Variants in CDH13 observed in about 807,000 individuals in gnomAD.
The protein encoded by CDH13 is cadherin 13, also known as cadherin-13.
Under a neutral mutation model 63.8 loss-of-function variants are expected in CDH13, and 24 were observed. That is an observed-to-expected ratio of 0.38 (90% CI 0.27 to 0.53). The LOEUF (loss-of-function observed/expected upper bound fraction) is 0.53. Among genes scored for constraint, CDH13 ranks in the 20% least tolerant of loss-of-function variants. The pLI, the probability that CDH13 is intolerant of heterozygous loss-of-function variation, is 0.85. For missense variants in CDH13, 1,049 were observed against 903.1 expected (o/e 1.16, Z -2.07); for synonymous variants, 503 against 355.3 (o/e 1.42, Z -4.67).
intron 8 of CDH13, chr16:83,655,271 G>A (rs1482830010): frequency 1.3e-5 from 2 of 152,258 alleles, no homozygotes; most frequent in African/African-American, 4.8e-5. Context: ...ACCACGGTAA[G>A]AGTTTGATCT....
chr16:82,826,418 C>G (rs1042949239), intron 1 of CDH13: 3 of 152,010 alleles, frequency 2.0e-5, no homozygotes, highest in Admixed American at 1.3e-4. Flanking sequence ...CATACAATAT[C>G]GAATTCAATC....
At chr16:83,369,764 C>G (rs2091328951) in intron 6 of CDH13, among the ~76,000 whole-genome samples, 1 of 152,084 alleles carries the variant, frequency 6.6e-6, no homozygotes, top group African/African-American at 2.4e-5. Flanking sequence ...TCTGTAGACC[C>G]CACTCCTCCT....
intron 5 of CDH13, among the ~76,000 whole-genome samples, chr16:83,279,589 G>A (rs918017301): frequency 3.3e-5 from 5 of 152,210 alleles, no homozygotes; most frequent in East Asian, 1.9e-4. Context: ...TTAATGAGTC[G>A]AAATTATCCT....
intron 4 of CDH13, among the ~76,000 whole-genome samples, chr16:83,186,636 T>C: frequency 6.6e-6 from 1 of 152,212 alleles, no homozygotes; most frequent in East Asian, 1.9e-4. Context: ...AAGACTGTAG[T>C]ATGTCGTCAG....
intron 5 of CDH13, among the ~76,000 whole-genome samples, chr16:83,301,024 GGTTT>G (rs1417451896): frequency 1.9e-5 from 1 of 53,946 alleles, no homozygotes. Flanking sequence ...AACTTTCTGG[GGTTT>G]TTTTTTTTTT....
chr16:82,903,752 A>G (rs1015024637), intron 2 of CDH13, among the ~76,000 whole-genome samples: 2 of 152,172 alleles, frequency 1.3e-5, no homozygotes, highest in African/African-American at 4.8e-5. Flanking sequence ...TAGGGGCTGT[A>G]TAGTAACAAG....
intron 6 of CDH13, among the ~76,000 whole-genome samples, chr16:83,355,188 C>T (rs2091029030): frequency 6.6e-6 from 1 of 152,152 alleles, no homozygotes; most frequent in Non-Finnish European, 1.5e-5. Context: ...CATGAGAAAA[C>T]CATGGCAGCT....
intron 1 of CDH13, among the ~76,000 whole-genome samples, chr16:82,757,302 C>T (rs2034648034): frequency 6.6e-6 from 1 of 152,170 alleles, no homozygotes; most frequent in Non-Finnish European, 1.5e-5. Context: ...CAAATATCTT[C>T]ATTTGCATCT....
intron 7 of CDH13, among the ~76,000 whole-genome samples, chr16:83,565,383 C>CTTTTTTTTTTTTT (rs369127310): frequency 2.3e-5 from 3 of 130,608 alleles, no homozygotes; most frequent in Admixed American, 8.0e-5. Flanking sequence ...TTCCACTGTT[C>CTTTTTTTTTTTTT]TTTTTTTTTT....
chr16:82,795,909 G>A (rs900882477), intron 1 of CDH13, among the ~76,000 whole-genome samples: 14 of 149,618 alleles, frequency 9.4e-5, no homozygotes, highest in South Asian at 4.3e-4. Flanking sequence ...GTCTCTATTC[G>A]CTTAACACAG....
intron 2 of CDH13, among the ~76,000 whole-genome samples, chr16:82,949,139 A>G (rs1185936056): frequency 6.6e-6 from 1 of 152,190 alleles, no homozygotes; most frequent in African/African-American, 2.4e-5. Context: ...TTAAAACAGA[A>G]ACTACTTGTC....
intron 6 of CDH13, among the ~76,000 whole-genome samples, chr16:83,370,224 A>G (rs181727685): frequency 1.2e-4 from 18 of 152,060 alleles, no homozygotes; most frequent in African/African-American, 3.9e-4. Flanking sequence ...CATCTCTACT[A>G]AAAAATAGAA....
At chr16:83,382,129 C>G (rs2091579472) in intron 6 of CDH13, among the ~76,000 whole-genome samples, 1 of 152,192 alleles carries the variant, frequency 6.6e-6, no homozygotes, top group Non-Finnish European at 1.5e-5. Flanking sequence ...CTCAGAACTT[C>G]TGTTTCTTCA....
rs566404523 is a variant in CDH13, at chr16:83,042,478, C to A, written c.366+10260C>A. 2.0e-5 allele frequency among the ~76,000 whole-genome samples: 3 copies of A among 152,216 alleles called. No individual in the cohort carries two copies. The East Asian group carries it at 5.8e-4, about 29-fold the overall frequency. On this transcript the variant is annotated intron_variant, in intron 3 of 13. Transcript: ENST00000567109. ...GACCATGTAGTCGCAGGAAAACAAG[C>A]TGAGGGCTCCCATGGATTCTACATT...
In CDH13 at chr16:82,629,347, G is replaced by A. The variant is rs150412601; in HGVS notation, c.45+2210G>A. Among the ~76,000 whole-genome samples, 403 of 152,316 alleles carry A rather than the reference G, an allele frequency of 2.6e-3. 2 individuals are homozygous for A. Among genetic ancestry groups the A allele is most frequent in the African/African-American group, 9.4e-3 (392 of 41,556 alleles). On this transcript the variant is annotated intron_variant, in intron 1 of 13. Coordinates refer to ENST00000567109, the MANE Select transcript of CDH13 (RefSeq NM_001257.5). ...ATTTTCAATTGTTATGCATATCAGA[G>A]CAAATGTCCACATTAGGATAGTAAT...
chr16:83,630,196 G>T (rs879886179), intron 8 of CDH13, among the ~76,000 whole-genome samples: 3 of 152,150 alleles, frequency 2.0e-5, no homozygotes, highest in Non-Finnish European at 2.9e-5. Context: ...TGAGATCTGG[G>T]TTATTTTTCA....
chr16:83,102,220 A>C lies in CDH13; in HGVS notation c.367-23165A>C, dbSNP rs974362429. 9.2e-5 allele frequency among the ~76,000 whole-genome samples: 14 copies of C among 152,322 alleles called. No homozygotes were observed. The East Asian group carries it at 1.9e-3, about 21-fold the overall frequency. The stretch of plus-strand genomic sequence containing the variant: ...GGAACACAGTTCTGATGACACCTTG[A>C]TTTTAGCACAGGAAGGTCTGTTTGG... On this transcript the variant is annotated intron_variant, in intron 3 of 13. Transcript: ENST00000567109.
chr16:82,656,916 C>T (rs1211478635), intron 1 of CDH13, among the ~76,000 whole-genome samples: 2 of 132,344 alleles, frequency 1.5e-5, no homozygotes, highest in African/African-American at 5.9e-5. Flanking sequence ...GGTTTGGTAG[C>T]TCTTTTTTTT....
intron 6 of CDH13, among the ~76,000 whole-genome samples, chr16:83,484,328 A>G (rs1352317282): frequency 1.3e-5 from 2 of 152,228 alleles, no homozygotes; most frequent in African/African-American, 2.4e-5. Flanking sequence ...GCTTTGTTGA[A>G]TAGACATCTG....
Sources: gnomAD v4.1 joint callset for allele counts (sites outside exome capture counted in the v4.1 genomes callset) on GRCh38, gnomAD v4.1.1 for gene constraint, MANE v1.5 for transcripts, NCBI Gene and HGNC (gene_info 2026-07-23, HGNC 2026-07-21) for gene names.